Variants in LRRC28 observed in about 807,000 individuals in gnomAD.
The protein encoded by LRRC28 is leucine rich repeat containing 28.
Under a neutral mutation model 45.7 loss-of-function variants are expected in LRRC28, and 39 were observed. The ratio of observed to expected loss-of-function variants is 0.85; its 90% CI spans 0.66 to 1.12. The LOEUF (loss-of-function observed/expected upper bound fraction) is 1.12, where lower values mean the gene tolerates loss of function less well. Among genes scored for constraint, LRRC28 ranks in the 50% most tolerant of loss-of-function variants. The pLI is 0.00. For missense variants in LRRC28, 435 were observed against 438.5 expected, an observed-to-expected ratio of 0.99 and a Z score of 0.07; for synonymous variants, 206 against 178.8, an observed-to-expected ratio of 1.15 and a Z score of -1.22.
intron 7 of LRRC28, among the ~76,000 whole-genome samples, chr15:99,358,849 G>T (rs907802250): frequency 3.9e-5 from 6 of 152,044 alleles, no homozygotes; most frequent in African/African-American, 1.4e-4. Flanking sequence ...AAGCCGAGGC[G>T]GGCCAATCAC....
chr15:99,352,598 G>A, intron 7 of LRRC28, 127 bp downstream of exon 7: 2 of 679,864 alleles, frequency 2.9e-6, no homozygotes, highest in Non-Finnish European at 2.4e-6. Context: ...ATATTGGGCA[G>A]GCAGTTTGGA....
At chr15:99,293,598 A>C (rs1370860905) in intron 5 of LRRC28, among the ~76,000 whole-genome samples, 4 of 63,418 alleles carry the variant, frequency 6.3e-5, no homozygotes, top group Non-Finnish European at 8.3e-5. Context: ...TGTCACAAAA[A>C]AAAAAAAAAA....
At chr15:99,254,842 A>G (rs2080968401) in intron 1 of LRRC28, among the ~76,000 whole-genome samples, 1 of 152,216 alleles carries the variant, frequency 6.6e-6, no homozygotes, top group Non-Finnish European at 1.5e-5. Context: ...GAGAATTTAT[A>G]ATAATCTGCC....
At chr15:99,315,572 C>T (rs1949413993) in intron 5 of LRRC28, among the ~76,000 whole-genome samples, 1 of 152,048 alleles carries the variant, frequency 6.6e-6, no homozygotes, top group Admixed American at 6.6e-5. Flanking sequence ...ATATGCTGTC[C>T]ATATATTTTG....
At chr15:99,345,006 C>G (rs761808279) in intron 6 of LRRC28, among the ~76,000 whole-genome samples, 6 of 152,204 alleles carry the variant, frequency 3.9e-5, no homozygotes, top group Non-Finnish European at 7.3e-5. Context: ...AAATATGTCA[C>G]TTACTAATAA....
chr15:99,318,001 A>G (rs1314478023), intron 5 of LRRC28, among the ~76,000 whole-genome samples: 1 of 152,228 alleles, frequency 6.6e-6, no homozygotes. Context: ...GCAGCAAAGC[A>G]GTAGTCCTCT....
intron 9 of LRRC28, among the ~76,000 whole-genome samples, chr15:99,379,118 G>A (rs2152340636): frequency 6.6e-6 from 1 of 152,258 alleles, no homozygotes; most frequent in Non-Finnish European, 1.5e-5. Context: ...AGTGGTACTA[G>A]CTCCTCCTTG....
intron 5 of LRRC28, among the ~76,000 whole-genome samples, chr15:99,332,470 G>A (rs1956191224): frequency 6.6e-6 from 1 of 152,146 alleles, no homozygotes; most frequent in African/African-American, 2.4e-5. Context: ...CTTTTATAAA[G>A]TAAAATAATT....
At chr15:99,263,103 A>C (rs2081242731) in intron 2 of LRRC28, among the ~76,000 whole-genome samples, 1 of 150,510 alleles carries the variant, frequency 6.6e-6, no homozygotes, top group Non-Finnish European at 1.5e-5. Flanking sequence ...TGAGCTCAGG[A>C]GTTCAAGACC....
intron 3 of LRRC28, among the ~76,000 whole-genome samples, chr15:99,282,933 G>A (rs528576670): frequency 6.6e-6 from 1 of 151,918 alleles, no homozygotes; most frequent in South Asian, 2.1e-4. Flanking sequence ...CGCTCTTGTC[G>A]CTCAGGCTGG....
chr15:99,328,348 C>T (rs1222618448), intron 5 of LRRC28, among the ~76,000 whole-genome samples: 1 of 152,166 alleles, frequency 6.6e-6, no homozygotes, highest in African/African-American at 2.4e-5. Context: ...TGTGAAAGAT[C>T]AAAATCCTGA....
At chr15:99,292,231 G>A (rs1244446079) in intron 5 of LRRC28, among the ~76,000 whole-genome samples, 1 of 152,198 alleles carries the variant, frequency 6.6e-6, no homozygotes, top group Non-Finnish European at 1.5e-5. Flanking sequence ...CTTGCTGGAA[G>A]CCTAGTGTAC....
intron 5 of LRRC28, among the ~76,000 whole-genome samples, chr15:99,331,196 CATTT>C (rs1243775932): frequency 1.3e-5 from 2 of 152,058 alleles, no homozygotes; most frequent in African/African-American, 2.4e-5. Context: ...TGTTCAAAAT[CATTT>C]ATTTTACTTG....
chr15:99,312,362 C>T (rs1286093682), intron 5 of LRRC28, among the ~76,000 whole-genome samples: 1 of 152,184 alleles, frequency 6.6e-6, no homozygotes, highest in East Asian at 1.9e-4. Context: ...TAGGCCTACA[C>T]AGGGTCAAGA....
chr15:99,281,747 T>C (rs1056109043), intron 3 of LRRC28, among the ~76,000 whole-genome samples: 1 of 152,222 alleles, frequency 6.6e-6, no homozygotes, highest in South Asian at 2.1e-4. Flanking sequence ...GATCCTTTTA[T>C]GGCTTATTTT....
chr15:99,269,514 C>T (rs529819056), intron 2 of LRRC28, among the ~76,000 whole-genome samples: 1 of 152,182 alleles, frequency 6.6e-6, no homozygotes, highest in African/African-American at 2.4e-5. Flanking sequence ...AGTGATTCTC[C>T]TGCCTCATCC....
At chr15:99,343,722 A>C (rs1385028880) in intron 6 of LRRC28, among the ~76,000 whole-genome samples, 1 of 152,236 alleles carries the variant, frequency 6.6e-6, no homozygotes. Flanking sequence ...GTGCATTAAT[A>C]GTAATTAAAG....
intron 5 of LRRC28, among the ~76,000 whole-genome samples, chr15:99,327,143 C>A (rs1230874183): frequency 2.0e-5 from 3 of 151,936 alleles, no homozygotes; most frequent in African/African-American, 7.3e-5. Flanking sequence ...GGCACGATCT[C>A]GGCTCATGGC....
chr15:99,312,400 A>G (rs977291110), intron 5 of LRRC28, among the ~76,000 whole-genome samples: 23 of 152,170 alleles, frequency 1.5e-4, no homozygotes, highest in African/African-American at 5.5e-4. Context: ...TTCCACCTCT[A>G]ATCTTTTCCC....
Sources: gnomAD v4.1 joint callset for allele counts (sites outside exome capture counted in the v4.1 genomes callset) on GRCh38, gnomAD v4.1.1 for gene constraint, MANE v1.5 for transcripts, NCBI Gene and HGNC (gene_info 2026-07-23, HGNC 2026-07-21) for gene names.